ZNF623: variants seen among roughly 807,000 people sequenced by gnomAD.
The protein encoded by ZNF623 is zinc finger protein 623.
A neutral mutation model predicts 24.0 loss-of-function variants in ZNF623; 16 were observed. The ratio of observed to expected loss-of-function variants is 0.67; its 90% CI spans 0.45 to 1.01. ZNF623 has a LOEUF of 1.01. Among genes scored for constraint, ZNF623 ranks in the 50% least tolerant of loss-of-function variants. The pLI is 0.00. For synonymous variants in ZNF623, 224 were observed against 219.8 expected (o/e 1.02, Z -0.17); for missense variants, 566 against 606.5 (o/e 0.93, Z 0.70).
At chr8:143,649,729 G>A in intron 1 of ZNF623, 169 bp from the exon 2 acceptor site, 1 of 757,062 alleles carries the variant, frequency 1.3e-6, no homozygotes, top group Non-Finnish European at 2.1e-6. Context: ...TCTTATGTGG[G>A]ACAGGCTTGG....
In ZNF623 at chr8:143,650,102, G is replaced by A. The variant is rs374072601; in HGVS notation, c.110G>A (p.Gly37Asp). Reference sequence around the variant, plus strand: ...GGGAGTTCCCCCTCTCAGGACAGGGGCTGCAAGCAGGTGACAGTGACCCAT... The same window carrying A: ...GGGAGTTCCCCCTCTCAGGACAGGGACTGCAAGCAGGTGACAGTGACCCAT... ...SLGSSPSQDRGCKQVTVTHWK... is the reference protein window; with the variant it reads ...SLGSSPSQDRDCKQVTVTHWK... Residue 37 changes from glycine (G) to aspartate (D), a missense_variant, in exon 2 of 2, where the codon GGC becomes GAC. Coordinates refer to ENST00000526926, the MANE Select transcript of ZNF623 (RefSeq NM_001261843.2). This position sits in a 1 kb window ranked among gnomAD's most constrained non-coding sequence, Gnocchi z 5.2. The A allele has an allele frequency of 6.2e-7, 1 of 1,614,040 alleles. No homozygotes were observed. Among genetic ancestry groups the A allele is most frequent in the African/African-American group, 1.3e-5 (1 of 74,918 alleles).
intron 1 of ZNF623, among the ~76,000 whole-genome samples, chr8:143,640,865 C>G (rs958861665): frequency 6.7e-6 from 1 of 149,420 alleles, no homozygotes; most frequent in Non-Finnish European, 1.5e-5. Flanking sequence ...TGCTTGAACC[C>G]GGGAGGTGGA....
At chr8:143,643,533 G>A (rs1270673106) in intron 1 of ZNF623, among the ~76,000 whole-genome samples, 4 of 152,202 alleles carry the variant, frequency 2.6e-5, no homozygotes, top group East Asian at 3.9e-4. Flanking sequence ...CCTCCACAGC[G>A]GGGTTGGATA....
intron 1 of ZNF623, among the ~76,000 whole-genome samples, chr8:143,647,157 T>TTTG (rs1563700081): frequency 5.9e-5 from 9 of 151,378 alleles, no homozygotes; most frequent in East Asian, 3.9e-4. Context: ...GTTTTTTTTT[T>TTTG]TTTTGTTTTG....
Position 143,641,454 on chromosome 8 carries a change from T to G in ZNF623, c.-96+5309T>G, listed in dbSNP as rs796303605. On this transcript the variant is annotated intron_variant, in intron 1 of 1. Transcript: ENST00000526926. ...GTCAGTGAGTAGTGTTTTTTTTTTTTTTTTTTTTTTTTTCTTTTTTTTTTT... is the reference window on the plus strand; with the variant it reads ...GTCAGTGAGTAGTGTTTTTTTTTTTGTTTTTTTTTTTTTCTTTTTTTTTTT... 6.4e-4 allele frequency among the ~76,000 whole-genome samples: 2 copies of G among 3,110 alleles called. 1 individual carries two copies. Among genetic ancestry groups the G allele is most frequent in the African/African-American group, 6.5e-4 (2 of 3,064 alleles). The allele number at this position is 3,110 out of a possible 152,430, so 2.0% of individuals were successfully genotyped here.
intron 1 of ZNF623, among the ~76,000 whole-genome samples, chr8:143,646,064 C>T (rs1815170184): frequency 2.0e-5 from 3 of 151,876 alleles, no homozygotes; most frequent in African/African-American, 7.3e-5. Context: ...TAATTAGAGA[C>T]AGGGTCTCAC....
intron 1 of ZNF623, among the ~76,000 whole-genome samples, chr8:143,637,957 T>G (rs1814961708): frequency 6.6e-6 from 1 of 152,216 alleles, no homozygotes; most frequent in Admixed American, 6.5e-5. Flanking sequence ...TTTTTGCATT[T>G]CATGTCAGTT....
At position 143,650,994 on chromosome 8, in the gene ZNF623, C is replaced by T. The variant is rs747829213; in HGVS notation, c.1002C>T (p.Leu334=). 12 of 1,613,778 alleles carry T rather than the reference C, an allele frequency of 7.4e-6. No homozygotes were observed. The highest frequency in any genetic ancestry group is 9.3e-6 in the Non-Finnish European group (11 of 1,179,970). ...QHQRIHTGEK[L]YECNECGKAF... is the part of the protein sequence containing the mutation. ...AGAGAATTCACACTGGAGAGAAACTCTATGAATGTAACGAGTGTGGGAAAG... is the reference window on the plus strand; with the variant it reads ...AGAGAATTCACACTGGAGAGAAACTTTATGAATGTAACGAGTGTGGGAAAG... The change falls in exon 2 of 2, where the codon CTC becomes CTT. Residue 334 remains leucine, a synonymous_variant. Transcript: ENST00000526926. The surrounding 1 kb of genome is among the most constrained non-coding windows in gnomAD (Gnocchi z 5.2).
At chr8:143,646,507 GACA>G (rs762958891) in intron 1 of ZNF623, among the ~76,000 whole-genome samples, 6 of 151,828 alleles carry the variant, frequency 4.0e-5, no homozygotes, top group Non-Finnish European at 8.8e-5. Context: ...TTGTGGGGGA[GACA>G]ACAAAACACA....
chr8:143,643,559 T>C (rs554335642), intron 1 of ZNF623, among the ~76,000 whole-genome samples: 38 of 152,312 alleles, frequency 2.5e-4, no homozygotes, highest in South Asian at 6.2e-4. Context: ...TCCCAGTGCC[T>C]GCGTGAGGTC....
chr8:143,643,584 C>T (rs1479223553), intron 1 of ZNF623, among the ~76,000 whole-genome samples: 1 of 152,212 alleles, frequency 6.6e-6, no homozygotes, highest in African/African-American at 2.4e-5. Context: ...AATTCCGGGT[C>T]CAGTCAGCTT....
chr8:143,650,681 A>C lies in ZNF623; in HGVS notation c.689A>C (p.Lys230Thr). 1.2e-6 allele frequency: 2 copies of C among 1,614,172 alleles called. No individual in the cohort carries two copies. ...CCCTATGAGTGCAATGAATGTGGGA[A>C]ATCCTTCATAAGGAGCTCGAGCCTC... ...ERPYECNECGKSFIRSSSLIR... is the reference protein window; with the variant it reads ...ERPYECNECGTSFIRSSSLIR... Residue 230 changes from lysine to threonine, a missense_variant, in exon 2 of 2, where the codon AAA becomes ACA. Coordinates refer to ENST00000526926, the MANE Select transcript of ZNF623 (RefSeq NM_001261843.2). The surrounding 1 kb of genome is among the most constrained non-coding windows in gnomAD (Gnocchi z 5.2).
In ZNF623 at chr8:143,651,002, G is replaced by A; in HGVS notation, c.1010G>A (p.Cys337Tyr). The change falls in exon 2 of 2, where the codon TGT becomes TAT. Residue 337 changes from cysteine (C) to tyrosine (Y), a missense_variant. Cys to Tyr is a radical substitution (Grantham distance 194). Transcript: ENST00000526926. ...RIHTGEKLYE[C>Y]NECGKAFFLS... The stretch of plus-strand genomic sequence containing the variant: ...CACACTGGAGAGAAACTCTATGAAT[G>A]TAACGAGTGTGGGAAAGCTTTCTTT... The A allele has an allele frequency of 6.2e-7, 1 of 1,614,182 alleles. No individual in the cohort carries two copies. Among genetic ancestry groups the A allele is most frequent in the Non-Finnish European group, 8.5e-7 (1 of 1,180,030 alleles).
chr8:143,649,840 C>G lies in ZNF623; in HGVS notation c.-95-58C>G, dbSNP rs537086522. On this transcript the variant is annotated intron_variant, in intron 1 of 1. Transcript: ENST00000526926. ...ATATGGATTTTATCCTGCCCTGATT[C>G]AGGAGATCCCCATCTGTTAAGTAAG... The G allele has an allele frequency of 5.1e-6, 8 of 1,567,142 alleles. No individual in the cohort carries two copies. In the Admixed American group the frequency reaches 9.0e-5, roughly 18 times the overall value.
At chr8:143,642,979 C>T (rs893773515) in intron 1 of ZNF623, among the ~76,000 whole-genome samples, 1 of 152,152 alleles carries the variant, frequency 6.6e-6, no homozygotes, top group African/African-American at 2.4e-5. Context: ...GTCGGGAGGT[C>T]CCAGGTCAGT....
chr8:143,641,356 G>A (rs938408799), intron 1 of ZNF623, among the ~76,000 whole-genome samples: 10 of 152,040 alleles, frequency 6.6e-5, no homozygotes, highest in Non-Finnish European at 1.0e-4. Context: ...CAGAATGCAC[G>A]TTGTGTTGGC....
chr8:143,649,998 G>A lies in ZNF623; in HGVS notation c.6G>A (p.Glu2=). Residue 2 remains glutamate, a synonymous_variant, in exon 2 of 2, where the codon GAG becomes GAA. Transcript: ENST00000526926. ...CGTCAGACAGACTCACGGTGATGGA[G>A]CTCCCCTCTCCCGAGTCTGAGGAAG... M[E]LPSPESEEVH... 1.2e-6 allele frequency: 2 copies of A among 1,614,216 alleles called. No homozygotes were observed. Among genetic ancestry groups the A allele is most frequent in the Non-Finnish European group, 1.7e-6 (2 of 1,180,038 alleles).
At chr8:143,643,449 C>T (rs1361050200) in intron 1 of ZNF623, among the ~76,000 whole-genome samples, 2 of 152,236 alleles carry the variant, frequency 1.3e-5, no homozygotes, top group Non-Finnish European at 2.9e-5. Context: ...GGGCTTGGCA[C>T]TGGGCGGGTG....
chr8:143,650,644 A>G lies in ZNF623; in HGVS notation c.652A>G (p.Thr218Ala), dbSNP rs751186296. The part of the protein sequence containing the change: ...SLLIRHQRIH[T>A]GERPYECNEC... Reference sequence around the variant, plus strand: ...ACTTATTCGCCATCAGAGGATTCACACGGGAGAAAGGCCCTATGAGTGCAA... The same window carrying G: ...ACTTATTCGCCATCAGAGGATTCACGCGGGAGAAAGGCCCTATGAGTGCAA... The change falls in exon 2 of 2, where the codon ACG becomes GCG. Residue 218 changes from threonine (T) to alanine (A), a missense_variant. Thr to Ala is a moderately conservative substitution (Grantham distance 58, BLOSUM62 0). Transcript: ENST00000526926. The surrounding 1 kb of genome is among the most constrained non-coding windows in gnomAD (Gnocchi z 5.2). 9 of 1,614,036 alleles carry G rather than the reference A, an allele frequency of 5.6e-6. No individual in the cohort carries two copies. In the African/African-American group the frequency reaches 9.3e-5, roughly 17 times the overall value.
Sources: gnomAD v4.1 joint callset for allele counts (sites outside exome capture counted in the v4.1 genomes callset) on GRCh38, gnomAD v4.1.1 for gene constraint, Gnocchi (gnomAD v3.1) non-coding constraint, MANE v1.5 for transcripts, NCBI Gene and HGNC (gene_info 2026-07-23, HGNC 2026-07-21) for gene names.